The following C7orf33 variants were observed in gnomAD, a reference collection of about 807,000 sequenced individuals.
C7orf33 encodes chromosome 7 open reading frame 33, also known as uncharacterized protein C7orf33.
In C7orf33, 15 loss-of-function variants were observed where a neutral mutation model predicts 13.4. That is an observed-to-expected ratio of 1.12 (90% CI 0.75 to 1.72). The LOEUF (loss-of-function observed/expected upper bound fraction) is 1.72. Among genes scored for constraint, C7orf33 ranks in the 40% most tolerant of loss-of-function variants. The pLI is 0.00. For synonymous variants in C7orf33, 73 were observed against 83.2 expected (o/e 0.88, Z 0.67); for missense variants, 187 against 220.3 (o/e 0.85, Z 0.96).
At chr7:148,594,366 C>T (rs535923878) in intron 1 of C7orf33, among the ~76,000 whole-genome samples, 3 of 151,974 alleles carry the variant, frequency 2.0e-5, no homozygotes, top group African/African-American at 7.2e-5. Flanking sequence ...TTAGTAGAGA[C>T]GGGGTTTCAC....
At chr7:148,592,766 C>A (rs7782172) in intron 1 of C7orf33, among the ~76,000 whole-genome samples, 7,738 of 152,200 alleles carry the variant, frequency 0.051, 643 homozygotes, top group African/African-American at 0.18. Flanking sequence ...CTGCCTGCCT[C>A]AACCTCCCAA....
intron 1 of C7orf33, among the ~76,000 whole-genome samples, chr7:148,605,643 A>G (rs1302856756): frequency 6.6e-6 from 1 of 152,130 alleles, no homozygotes; most frequent in South Asian, 2.1e-4. Context: ...CCCATCTCAT[A>G]TTCACCAGAA....
At chr7:148,598,014 A>C (rs1334087403) in intron 1 of C7orf33, among the ~76,000 whole-genome samples, 1 of 152,142 alleles carries the variant, frequency 6.6e-6, no homozygotes, top group Admixed American at 6.6e-5. Flanking sequence ...CTTGGTCTCC[A>C]AAAGTATTGG....
chr7:148,597,217 A>G (rs896297761), intron 1 of C7orf33, among the ~76,000 whole-genome samples: 3 of 151,456 alleles, frequency 2.0e-5, no homozygotes, highest in African/African-American at 2.4e-5. Context: ...ATATATATGC[A>G]TATATATTTA....
intron 1 of C7orf33, among the ~76,000 whole-genome samples, chr7:148,611,451 G>C (rs932193864): frequency 6.6e-6 from 1 of 152,182 alleles, no homozygotes; most frequent in African/African-American, 2.4e-5. Context: ...TGATGCCGAG[G>C]GAAGGTCGGC....
chr7:148,609,530 G>T (rs1796512279), intron 1 of C7orf33, among the ~76,000 whole-genome samples: 1 of 152,152 alleles, frequency 6.6e-6, no homozygotes, highest in South Asian at 2.1e-4. Flanking sequence ...TCAAATCCCA[G>T]CCCACAATCT....
intron 1 of C7orf33, among the ~76,000 whole-genome samples, chr7:148,604,380 G>A (rs1426501213): frequency 6.6e-6 from 1 of 152,138 alleles, no homozygotes; most frequent in Non-Finnish European, 1.5e-5. Context: ...ACCCACCTCG[G>A]CCTCCCACAG....
rs189447376 is a variant in C7orf33, at chr7:148,593,406, G to A, written c.204+2277G>A. ...GCCTCCCAAGTAGCGGGAATTACAG[G>A]CACCTGCCACCACTCCCAGCTAATT... On this transcript the variant is annotated intron_variant, in intron 1 of 2. Transcript: ENST00000307003. 4.2e-3 allele frequency among the ~76,000 whole-genome samples: 638 copies of A among 152,140 alleles called. 4 individuals carry two copies. The highest frequency in any genetic ancestry group is 0.015 in the African/African-American group (613 of 41,510).
intron 1 of C7orf33, among the ~76,000 whole-genome samples, chr7:148,594,498 C>T (rs1311726385): frequency 6.6e-6 from 1 of 152,054 alleles, no homozygotes; most frequent in Non-Finnish European, 1.5e-5. Flanking sequence ...TTATAAATTA[C>T]CCAGCCTTAG....
intron 1 of C7orf33, among the ~76,000 whole-genome samples, chr7:148,601,888 C>T (rs942753259): frequency 6.6e-6 from 1 of 152,110 alleles, no homozygotes; most frequent in Non-Finnish European, 1.5e-5. Context: ...GCTACGACTT[C>T]AGGCACATGC....
chr7:148,609,447 T>G (rs1038500495), intron 1 of C7orf33, among the ~76,000 whole-genome samples: 3 of 152,170 alleles, frequency 2.0e-5, no homozygotes, highest in South Asian at 2.1e-4. Context: ...ATATACTTAT[T>G]CATAAAAAGA....
chr7:148,615,330 C>G lies in C7orf33; in HGVS notation c.463C>G (p.Arg155Gly), dbSNP rs1176681066. 3.1e-6 allele frequency: 5 copies of G among 1,606,440 alleles called. No homozygotes were observed. Among genetic ancestry groups the G allele is most frequent in the East Asian group, 4.5e-5 (2 of 44,832 alleles). ...RTVTSSYLNVRGHEVRKLQNS... is the reference protein window; with the variant it reads ...RTVTSSYLNVGGHEVRKLQNS... ...AGTCTTCGTAATCCACATGTAGGTACGTGGGCATGAAGTAAGAAAGCTCCA... is the reference window on the plus strand; with the variant it reads ...AGTCTTCGTAATCCACATGTAGGTAGGTGGGCATGAAGTAAGAAAGCTCCA... Residue 155 changes from arginine (R) to glycine (G), a missense_variant, in exon 3 of 3, where the codon CGT (arginine) becomes GGT (glycine). Physicochemically the swap from Arg to Gly is moderately radical, Grantham distance 125. Coordinates refer to ENST00000307003, the MANE Select transcript of C7orf33 (RefSeq NM_145304.4).
intron 1 of C7orf33, among the ~76,000 whole-genome samples, chr7:148,605,190 A>C (rs563332888): frequency 6.6e-6 from 1 of 152,380 alleles, no homozygotes; most frequent in South Asian, 2.1e-4. Context: ...TTAGCTCAGA[A>C]AAGAAAGTGC....
At chr7:148,607,874 C>T (rs1796491559) in intron 1 of C7orf33, among the ~76,000 whole-genome samples, 1 of 152,232 alleles carries the variant, frequency 6.6e-6, no homozygotes, top group Admixed American at 6.5e-5. Context: ...CATTTTTCTT[C>T]CTTCTTTCCT....
chr7:148,593,374 T>G (rs2116886268), intron 1 of C7orf33, among the ~76,000 whole-genome samples: 1 of 152,326 alleles, frequency 6.6e-6, no homozygotes, highest in South Asian at 2.1e-4. Flanking sequence ...GTAATTCTCC[T>G]GCCTTAGCCT....
intron 1 of C7orf33, among the ~76,000 whole-genome samples, chr7:148,603,539 G>A (rs1796439925): frequency 6.6e-6 from 1 of 152,278 alleles, no homozygotes; most frequent in Non-Finnish European, 1.5e-5. Context: ...GAAAGGTACT[G>A]TAGAGTGTGC....
chr7:148,598,254 C>T (rs1796365486), intron 1 of C7orf33, among the ~76,000 whole-genome samples: 1 of 152,100 alleles, frequency 6.6e-6, no homozygotes, highest in South Asian at 2.1e-4. Flanking sequence ...AATTTCATTG[C>T]TGTTTTGTGT....
At chr7:148,599,293 C>T (rs1428814644) in intron 1 of C7orf33, among the ~76,000 whole-genome samples, 2 of 152,006 alleles carry the variant, frequency 1.3e-5, no homozygotes, top group African/African-American at 4.8e-5. Context: ...ACGGGTCTAC[C>T]TCAAACATTA....
intron 1 of C7orf33, among the ~76,000 whole-genome samples, chr7:148,596,535 A>G (rs1281643522): frequency 6.6e-6 from 1 of 152,182 alleles, no homozygotes; most frequent in Non-Finnish European, 1.5e-5. Flanking sequence ...CACGTCTTAC[A>G]TGGATGGCAG....
Sources: gnomAD v4.1 joint callset for allele counts (sites outside exome capture counted in the v4.1 genomes callset) on GRCh38, gnomAD v4.1.1 for gene constraint, MANE v1.5 for transcripts, NCBI Gene and HGNC (gene_info 2026-07-23, HGNC 2026-07-21) for gene names.